SLC25A32: variants seen among roughly 807,000 people sequenced by gnomAD.
SLC25A32 encodes the protein Glycine auxotroph B, complementation of hamster.
SLC25A32 carries 32 observed loss-of-function variants against 39.0 expected under a neutral mutation model. The ratio of observed to expected loss-of-function variants is 0.82; its 90% CI spans 0.62 to 1.10. SLC25A32 has a LOEUF of 1.10. Ranked by LOEUF, SLC25A32 falls within the 50% of genes least tolerant of loss-of-function variation. SLC25A32 has a pLI of 0.00. For synonymous variants in SLC25A32, 166 were observed against 152.4 expected, an observed-to-expected ratio of 1.09 and a Z score of -0.66; for missense variants, 367 against 395.3, an observed-to-expected ratio of 0.93 and a Z score of 0.61.
intron 5 of SLC25A32, 102 bp downstream of exon 5, chr8:103,401,839 C>A: frequency 9.9e-7 from 1 of 1,010,322 alleles, no homozygotes; most frequent in South Asian, 1.7e-5. Flanking sequence ...AGAGCCAGTA[C>A]TCATCATCAT....
At chr8:103,407,515 C>A (rs1167765965) in intron 2 of SLC25A32, 119 bp downstream of exon 2, 2 of 821,832 alleles carry the variant, frequency 2.4e-6, no homozygotes, top group East Asian at 5.4e-5. Flanking sequence ...CCTGATCCTT[C>A]CAATTCAGAG....
intron 1 of SLC25A32, among the ~76,000 whole-genome samples, chr8:103,411,742 T>C (rs1213116005): frequency 1.3e-5 from 2 of 152,220 alleles, no homozygotes; most frequent in East Asian, 1.9e-4. Flanking sequence ...TCAACTGCCA[T>C]CCCTGTGCTT....
At chr8:103,413,383 G>T (rs1250014876) in intron 1 of SLC25A32, among the ~76,000 whole-genome samples, 1 of 152,172 alleles carries the variant, frequency 6.6e-6, no homozygotes, top group Non-Finnish European at 1.5e-5. Context: ...AGGTAATACG[G>T]TGAGGGGTTA....
intron 3 of SLC25A32, among the ~76,000 whole-genome samples, chr8:103,403,766 C>T (rs1400228818): frequency 6.6e-6 from 1 of 152,292 alleles, no homozygotes. Flanking sequence ...GCATGTGACA[C>T]ATATATCTAC....
At chr8:103,409,017 A>G (rs1157365497) in intron 1 of SLC25A32, among the ~76,000 whole-genome samples, 1 of 152,232 alleles carries the variant, frequency 6.6e-6, no homozygotes, top group Non-Finnish European at 1.5e-5. Context: ...ATCTCTCTGT[A>G]GGAAACAGAA....
intron 3 of SLC25A32, 65 bp from the exon 4 acceptor site, chr8:103,403,389 T>A: frequency 3.8e-6 from 3 of 781,538 alleles, no homozygotes; most frequent in Non-Finnish European, 3.7e-6. Context: ...ACAACCCAAA[T>A]TAGAAACAGT....
intron 5 of SLC25A32, 84 bp downstream of exon 5, chr8:103,401,857 C>A: frequency 8.8e-7 from 1 of 1,133,440 alleles, no homozygotes; most frequent in Non-Finnish European, 1.3e-6. Context: ...CATAGCACTA[C>A]CACCAAAGTA....
intron 1 of SLC25A32, among the ~76,000 whole-genome samples, chr8:103,412,413 A>C (rs1365315748): frequency 6.6e-6 from 1 of 152,188 alleles, no homozygotes; most frequent in Non-Finnish European, 1.5e-5. Flanking sequence ...TGAGGGTTTA[A>C]AATTACAGAG....
Position 103,400,051 on chromosome 8 carries a change from G to A in SLC25A32, c.*360C>T, listed in dbSNP as rs1407720184. 8.6e-6 allele frequency: 2 copies of A among 231,340 alleles called. No individual in the cohort carries two copies. The allele number at this position is 231,340 out of a possible 1,614,324, so 14.3% of individuals were successfully genotyped here. On this transcript the variant is annotated 3_prime_UTR_variant, in exon 7 of 7. Transcript: ENST00000297578. ...GTATTGCACAAAGGTTAATTTTAAA[G>A]CAATCCAGGCAAGTAAGCTCACAAA...
chr8:103,414,864 T>G lies in SLC25A32; in HGVS notation c.74A>C (p.Asn25Thr). The G allele has an allele frequency of 6.2e-7, 1 of 1,613,452 alleles. No homozygotes were observed. Among genetic ancestry groups the G allele is most frequent in the Non-Finnish European group, 8.5e-7 (1 of 1,179,914 alleles). Residue 25 changes from asparagine (N) to threonine (T), a missense_variant, in exon 1 of 7, where the codon AAC (asparagine) becomes ACC (threonine). Physicochemically the swap from Asn to Thr is moderately conservative, Grantham distance 65. Transcript: ENST00000297578. ...GCCGCCGCTCACGCCCGCTATCAGG[T>G]TCTCATACCGGACGTGGCGGAATAC... The part of the protein sequence containing the change: ...STVFRHVRYE[N>T]LIAGVSGGVL...
chr8:103,403,244 A>T lies in SLC25A32; in HGVS notation c.472T>A (p.Ser158Thr). 6.2e-7 allele frequency: 1 copy of T among 1,612,706 alleles called. No homozygotes were observed. The highest frequency in any genetic ancestry group is 8.5e-7 in the Non-Finnish European group (1 of 1,178,978). ...ATTCCTTTATATTGTCGGTGTGGGG[A>T]GTTAACAACAGCATCATACTGTAAC... ...LMLQYDAVVN[S>T]PHRQYKGMFD... The change falls in exon 4 of 7, where the codon TCC becomes ACC. Residue 158 changes from serine (S) to threonine (T), a missense_variant. Physicochemically the swap from Ser to Thr is moderately conservative, Grantham distance 58. Coordinates refer to ENST00000297578, the MANE Select transcript of SLC25A32 (RefSeq NM_030780.5).
Position 103,404,865 on chromosome 8 carries a change from A to G in SLC25A32, c.306-4T>C, listed in dbSNP as rs749973472. ...ATATGACTTGATGGCATTGTAACTA[A>G]AAGAATTAAATGTGAGCAGTTTAAT... is the stretch of plus-strand genomic sequence containing the variant. On this transcript the variant is annotated splice_region_variant and splice_polypyrimidine_tract_variant and intron_variant, in intron 2 of 6. Transcript: ENST00000297578. 5.0e-6 allele frequency: 8 copies of G among 1,599,198 alleles called. No individual in the cohort carries two copies. In the Admixed American group the frequency reaches 1.0e-4, roughly 20 times the overall value.
Position 103,400,161 on chromosome 8 carries a change from C to A in SLC25A32, c.*250G>T. The A allele has an allele frequency of 2.1e-6, 1 of 465,236 alleles. No homozygotes were observed. The highest frequency in any genetic ancestry group is 3.8e-6 in the Non-Finnish European group (1 of 263,002). 28.8% of individuals were successfully genotyped at this position (465,236 alleles called of 1,614,324 possible). ...ACGTAGAAATCTGTGAAACTCTATC[C>A]TTCGTGTCAGTTTTAACATTGTGTT... On this transcript the variant is annotated 3_prime_UTR_variant, in exon 7 of 7. Coordinates refer to ENST00000297578, the MANE Select transcript of SLC25A32 (RefSeq NM_030780.5).
chr8:103,414,859 T>G lies in SLC25A32; in HGVS notation c.79A>C (p.Ile27Leu). 4 of 1,613,506 alleles carry G rather than the reference T, an allele frequency of 2.5e-6. No homozygotes were observed. Among genetic ancestry groups the G allele is most frequent in the Non-Finnish European group, 3.4e-6 (4 of 1,179,940 alleles). Reference protein sequence around the residue: ...VFRHVRYENLIAGVSGGVLSN... With the variant: ...VFRHVRYENLLAGVSGGVLSN... ...AAGACGCCGCCGCTCACGCCCGCTA[T>G]CAGGTTCTCATACCGGACGTGGCGG... Residue 27 changes from isoleucine (I) to leucine (L), a missense_variant, in exon 1 of 7, where the codon ATA becomes CTA. By Grantham distance (5) the Ile-to-Leu change is conservative. Transcript: ENST00000297578.
In SLC25A32 at chr8:103,411,705, G is replaced by A. The variant is rs1044740357; in HGVS notation, c.154+3079C>T. Among the ~76,000 whole-genome samples, 3 of 152,094 alleles carry A rather than the reference G, an allele frequency of 2.0e-5. No homozygotes were observed. The South Asian group carries it at 6.2e-4, about 31-fold the overall frequency. ...TATAGGCACAATTTCCACCAAATAGGGGTGGTGTCTCAACCATTAAGTGGC... is the reference window on the plus strand; with the variant it reads ...TATAGGCACAATTTCCACCAAATAGAGGTGGTGTCTCAACCATTAAGTGGC... On this transcript the variant is annotated intron_variant, in intron 1 of 6. Coordinates refer to ENST00000297578, the MANE Select transcript of SLC25A32 (RefSeq NM_030780.5).
intron 6 of SLC25A32, 118 bp downstream of exon 6, chr8:103,401,398 C>T: frequency 2.4e-6 from 2 of 845,668 alleles, no homozygotes; most frequent in Non-Finnish European, 3.6e-6. Context: ...GCAGGGACCA[C>T]CAATCATGTT....
At position 103,400,465 on chromosome 8, in the gene SLC25A32, C is replaced by T; in HGVS notation, c.894G>A (p.Val298=). Residue 298 remains valine, a synonymous_variant, in exon 7 of 7, where the codon GTG becomes GTA. Transcript: ENST00000297578. ...AAAAATGTGAGACGTTTTCATATAC[C>T]ACAAAGGTAATACAGCAGGCTGGAG... ...RVTPACCITF[V]VYENVSHFLL... 1 of 1,614,098 alleles carries T rather than the reference C, an allele frequency of 6.2e-7. No homozygotes were observed. The highest frequency in any genetic ancestry group is 8.5e-7 in the Non-Finnish European group (1 of 1,179,966).
chr8:103,412,198 G>A (rs889152854), intron 1 of SLC25A32, among the ~76,000 whole-genome samples: 7 of 152,308 alleles, frequency 4.6e-5, no homozygotes, highest in African/African-American at 1.4e-4. Context: ...TGGGTCTTGC[G>A]ATACCACATA....
intron 2 of SLC25A32, among the ~76,000 whole-genome samples, chr8:103,405,231 C>G (rs921923964): frequency 1.3e-5 from 2 of 152,108 alleles, no homozygotes; most frequent in African/African-American, 4.8e-5. Flanking sequence ...CACCTACGTT[C>G]AGGTACTATA....
Sources: allele counts gnomAD v4.1 joint callset (sites outside exome capture counted in the v4.1 genomes callset), GRCh38; gene constraint gnomAD v4.1.1; transcripts MANE v1.5; gene names NCBI Gene and HGNC (gene_info 2026-07-23, HGNC 2026-07-21).